ST14: variants seen among roughly 807,000 people sequenced by gnomAD.
The protein encoded by ST14 is ST14 transmembrane serine protease matriptase, also known as suppressor of tumorigenicity 14 protein.
Under a neutral mutation model 96.5 loss-of-function variants are expected in ST14, and 40 were observed. The observed-to-expected ratio is 0.41, with a 90% CI of 0.32 to 0.54. The LOEUF (loss-of-function observed/expected upper bound fraction) is 0.54, where lower values mean the gene tolerates loss of function less well. Ranked by LOEUF, ST14 falls within the 20% of genes least tolerant of loss-of-function variation. The pLI is 0.17. For synonymous variants in ST14, 506 were observed against 492.1 expected (o/e 1.03, Z -0.37); for missense variants, 1,066 against 1,188.9 (o/e 0.90, Z 1.52).
rs575664559 is a variant in ST14, at chr11:130,199,564, G to A, written c.1808-387G>A. Reference sequence around the variant, plus strand: ...GTCCCTCTCAGAGCTGTGGCCTTCAGCATTCAAAGGCGCTTCTCCCTGCTC... The same window carrying A: ...GTCCCTCTCAGAGCTGTGGCCTTCAACATTCAAAGGCGCTTCTCCCTGCTC... On this transcript the variant is annotated intron_variant, in intron 15 of 18. Coordinates refer to ENST00000278742, the MANE Select transcript of ST14 (RefSeq NM_021978.4). Among the ~76,000 whole-genome samples, 15 of 152,312 alleles carry A rather than the reference G, an allele frequency of 9.8e-5. No homozygotes were observed. In the South Asian group the frequency reaches 2.7e-3, roughly 27 times the overall value.
chr11:130,194,518 C>G (rs1953337933), intron 8 of ST14, 122 bp from the exon 9 acceptor site: 2 of 1,184,306 alleles, frequency 1.7e-6, no homozygotes, highest in East Asian at 2.5e-5. Context: ...TGGCTGTGCA[C>G]CTGCTGTGCA....
chr11:130,198,467 T>C, intron 13 of ST14, 41 bp from the exon 14 acceptor site: 2 of 1,612,870 alleles, frequency 1.2e-6, no homozygotes, highest in East Asian at 2.2e-5. Context: ...GCGGGGCGAC[T>C]GACGGTGGCT....
At chr11:130,196,115 T>G (rs1953359549) in intron 9 of ST14, among the ~76,000 whole-genome samples, 1 of 152,048 alleles carries the variant, frequency 6.6e-6, no homozygotes, top group Admixed American at 6.6e-5. Flanking sequence ...AGCTGAGATC[T>G]TGCCACTGCA....
chr11:130,189,053 G>C, intron 4 of ST14, 114 bp downstream of exon 4: 1 of 1,170,656 alleles, frequency 8.5e-7, no homozygotes, highest in Non-Finnish European at 1.2e-6. Context: ...CTGGCCTGGA[G>C]AGCCAAGGAG....
At chr11:130,170,383 T>TA (rs1213680081) in intron 1 of ST14, among the ~76,000 whole-genome samples, 1 of 152,048 alleles carries the variant, frequency 6.6e-6, no homozygotes, top group African/African-American at 2.4e-5. Flanking sequence ...AATCAAGTGC[T>TA]AACTCTGGGC....
rs778899161 is a variant in ST14 at position 130,199,963 on chromosome 11, G to A, written c.1820G>A (p.Arg607Gln). The A allele has an allele frequency of 3.7e-6, 6 of 1,614,196 alleles. No individual in the cohort carries two copies. Among genetic ancestry groups the A allele is most frequent in the South Asian group, 1.1e-5 (1 of 91,074 alleles). The stretch of plus-strand genomic sequence containing the variant: ...GCTCCCTCTGCAGACTGTGGGCTGC[G>A]GTCATTCACGAGACAGGCTCGTGTT... Reference protein sequence around the residue: ...SDEKDCDCGLRSFTRQARVVG... With the variant: ...SDEKDCDCGLQSFTRQARVVG... Residue 607 changes from arginine (R) to glutamine (Q), a missense_variant, in exon 16 of 19, where the codon CGG becomes CAG. Arg to Gln is a conservative substitution (Grantham distance 43, BLOSUM62 1). Coordinates refer to ENST00000278742, the MANE Select transcript of ST14 (RefSeq NM_021978.4).
Position 130,209,543 on chromosome 11 carries a change from G to A in ST14, c.2371G>A (p.Val791Met), listed in dbSNP as rs1470712732. Residue 791 changes from valine (V) to methionine (M), a missense_variant, in exon 18 of 19, where the codon GTG becomes ATG. Transcript: ENST00000278742. ...GCAGATCACGCCGCGCATGATGTGCGTGGGCTTCCTCAGCGGCGGCGTGGA... is the reference window on the plus strand; with the variant it reads ...GCAGATCACGCCGCGCATGATGTGCATGGGCTTCCTCAGCGGCGGCGTGGA... ...PQQITPRMMC[V>M]GFLSGGVDSC... 6.3e-6 allele frequency: 10 copies of A among 1,577,144 alleles called. 1 individual carries two copies. The highest frequency in any genetic ancestry group is 5.7e-5 in the South Asian group (5 of 87,284).
At chr11:130,194,565 G>A (rs1042321098) in intron 8 of ST14, 75 bp from the exon 9 acceptor site, 4 of 1,488,398 alleles carry the variant, frequency 2.7e-6, no homozygotes, top group Non-Finnish European at 3.7e-6. Flanking sequence ...CAGGCCTCAG[G>A]CTGCAGAGCC....
rs758635754 is a variant in ST14, at chr11:130,196,552, G to A, written c.1224-18G>A. The A allele has an allele frequency of 2.7e-6, 4 of 1,481,208 alleles. No individual in the cohort carries two copies. The highest frequency in any genetic ancestry group is 2.7e-6 in the Non-Finnish European group (3 of 1,099,384). The allele number at this position is 1,481,208 out of a possible 1,614,324, so 91.8% of individuals were successfully genotyped here. On this transcript the variant is annotated intron_variant, in intron 10 of 18. Transcript: ENST00000278742. ...TCCCAGCTGTCCCTCCTCACCTTGTGCCCCGCCCCCCCTCCAGATACTGCG... is the reference window on the plus strand; with the variant it reads ...TCCCAGCTGTCCCTCCTCACCTTGTACCCCGCCCCCCCTCCAGATACTGCG...
chr11:130,184,763 G>A (rs1156509928), intron 1 of ST14, among the ~76,000 whole-genome samples: 1 of 152,190 alleles, frequency 6.6e-6, no homozygotes. Context: ...GTGGGCTTGA[G>A]AACCCCAGGT....
At chr11:130,193,164 CT>C (rs1953322077) in intron 7 of ST14, among the ~76,000 whole-genome samples, 1 of 151,482 alleles carries the variant, frequency 6.6e-6, no homozygotes, top group Non-Finnish European at 1.5e-5. Flanking sequence ...TCATAGCTCA[CT>C]GTAACCTTGA....
intron 7 of ST14, among the ~76,000 whole-genome samples, chr11:130,192,023 A>C (rs1245217075): frequency 6.6e-6 from 1 of 152,178 alleles, no homozygotes; most frequent in Non-Finnish European, 1.5e-5. Context: ...CACCTGCATT[A>C]CAGAAAACGG....
chr11:130,189,955 G>A (rs1236768860), intron 5 of ST14, 59 bp downstream of exon 5: 1 of 1,613,046 alleles, frequency 6.2e-7, no homozygotes, highest in Non-Finnish European at 8.5e-7. Context: ...GAGTGGGGCT[G>A]GGCCCTGGAC....
At chr11:130,179,276 T>C (rs1477746791) in intron 1 of ST14, among the ~76,000 whole-genome samples, 2 of 152,160 alleles carry the variant, frequency 1.3e-5, no homozygotes, top group East Asian at 3.9e-4. Flanking sequence ...TTTGTTTCAG[T>C]TGATTGTTAT....
Position 130,198,945 on chromosome 11 carries a change from A to G in ST14, c.1685-2A>G. ...CCCTCCCTTGTCCTCCTCCTTGAAC[A>G]GTGAACGTCGTCACTTGTACCAAAC... On this transcript the variant is annotated splice_acceptor_variant, in intron 14 of 18. Transcript: ENST00000278742. LOFTEE classifies it high-confidence loss of function. 4 of 1,614,006 alleles carry G rather than the reference A, an allele frequency of 2.5e-6. No homozygotes were observed. The highest frequency in any genetic ancestry group is 3.4e-6 in the Non-Finnish European group (4 of 1,179,958).
intron 7 of ST14, among the ~76,000 whole-genome samples, chr11:130,192,078 G>A (rs1381172463): frequency 1.3e-5 from 2 of 152,212 alleles, no homozygotes; most frequent in Non-Finnish European, 2.9e-5. Flanking sequence ...CGTCAGGGTG[G>A]GGCGTACCTC....
intron 9 of ST14, 79 bp downstream of exon 9, chr11:130,194,816 G>A (rs1280131233): frequency 1.5e-6 from 2 of 1,371,590 alleles, no homozygotes; most frequent in East Asian, 2.3e-5. Context: ...GTGCAGATGT[G>A]TGTGGATGTG....
chr11:130,209,617 G>C (rs1953529454), intron 18 of ST14, 39 bp downstream of exon 18: 2 of 1,579,766 alleles, frequency 1.3e-6, no homozygotes, highest in East Asian at 2.3e-5. Context: ...TGGGCCCCGG[G>C]AGAGGCGGGA....
chr11:130,167,746 G>C (rs1565617366), intron 1 of ST14, among the ~76,000 whole-genome samples: 1 of 151,768 alleles, frequency 6.6e-6, no homozygotes, highest in Non-Finnish European at 1.5e-5. Context: ...ATAGGGTCTT[G>C]CTCTGTCGCC....
Sources: allele counts gnomAD v4.1 joint callset (sites outside exome capture counted in the v4.1 genomes callset), GRCh38; gene constraint gnomAD v4.1.1; transcripts MANE v1.5; gene names NCBI Gene and HGNC (gene_info 2026-07-23, HGNC 2026-07-21).